Variants in LINGO2 observed in about 807,000 individuals in gnomAD.
LINGO2 encodes leucine-rich repeat and immunoglobulin-like domain-containing nogo receptor-interacting protein 2.
Under a neutral mutation model 30.6 loss-of-function variants are expected in LINGO2, and 14 were observed. The ratio of observed to expected loss-of-function variants is 0.46; its 90% CI spans 0.30 to 0.72. LINGO2 has a LOEUF of 0.72. LINGO2 is among the 30% of genes least tolerant of loss of function. The pLI, the probability that LINGO2 is intolerant of heterozygous loss-of-function variation, is 0.07. For synonymous variants in LINGO2, 317 were observed against 288.5 expected (o/e 1.10, Z -1.00); for missense variants, 729 against 751.7 (o/e 0.97, Z 0.35).
chr9:28,179,681 A>G (rs1395189972), intron 4 of LINGO2, among the ~76,000 whole-genome samples: 1 of 128,674 alleles, frequency 7.8e-6, no homozygotes, highest in Non-Finnish European at 1.7e-5. Flanking sequence ...ATTTTATACT[A>G]TATATACTAT....
chr9:28,663,778 G>C (rs928330794), intron 1 of LINGO2, among the ~76,000 whole-genome samples: 3 of 152,046 alleles, frequency 2.0e-5, no homozygotes, highest in African/African-American at 7.2e-5. Context: ...CCTGTCTGCC[G>C]TATGCTGAAG....
At chr9:28,748,427 C>T in the LINGO2 span, among the ~76,000 whole-genome samples, 1 of 151,748 alleles carries the variant, frequency 6.6e-6, no homozygotes, top group East Asian at 1.9e-4. Flanking sequence ...AACTCATGTT[C>T]CTCACACACT....
chr9:28,454,778 G>C (rs1824782925), intron 2 of LINGO2, among the ~76,000 whole-genome samples: 1 of 151,906 alleles, frequency 6.6e-6, no homozygotes, highest in Admixed American at 6.6e-5. Flanking sequence ...AGATATCATA[G>C]AAAATGGATT....
At chr9:28,418,268 C>T (rs1326325187) in intron 2 of LINGO2, among the ~76,000 whole-genome samples, 3 of 144,434 alleles carry the variant, frequency 2.1e-5, no homozygotes, top group African/African-American at 7.7e-5. Flanking sequence ...TAATGTTAGG[C>T]CATGTACTTT....
At chr9:28,556,058 T>C (rs897110277) in intron 1 of LINGO2, among the ~76,000 whole-genome samples, 12 of 152,152 alleles carry the variant, frequency 7.9e-5, no homozygotes, top group African/African-American at 2.6e-4. Context: ...GGGCAAAAAC[T>C]GGAAGCATTC....
chr9:28,797,345 TATATATATATATATAGAGAGAG>T, the LINGO2 span, among the ~76,000 whole-genome samples: 79 of 70,888 alleles, frequency 1.1e-3, no homozygotes, highest in African/African-American at 3.6e-3. Context: ...TATATATATA[TATATATATATATATAGAGAGAG>T]AGAGAGAGAG....
chr9:28,726,720 T>C, the LINGO2 span, among the ~76,000 whole-genome samples: 1 of 152,150 alleles, frequency 6.6e-6, no homozygotes, highest in African/African-American at 2.4e-5. Flanking sequence ...TGAACATATT[T>C]CAAAAGAGTC....
chr9:29,163,268 T>A, the LINGO2 span, among the ~76,000 whole-genome samples: 3 of 152,146 alleles, frequency 2.0e-5, no homozygotes, highest in Admixed American at 6.5e-5. Context: ...ATGTATTATT[T>A]TTCAACTGTT....
chr9:28,373,656 T>C (rs1255921029), intron 2 of LINGO2, among the ~76,000 whole-genome samples: 1 of 152,130 alleles, frequency 6.6e-6, no homozygotes, highest in Non-Finnish European at 1.5e-5. Context: ...TCCGAGCACT[T>C]TGGGAGGCTG....
the LINGO2 span, among the ~76,000 whole-genome samples, chr9:28,811,090 A>C: frequency 6.6e-6 from 1 of 152,194 alleles, no homozygotes; most frequent in African/African-American, 2.4e-5. Flanking sequence ...TCTTGATTTT[A>C]TGCAAAAACC....
At chr9:28,149,870 C>A (rs144968689) in intron 4 of LINGO2, among the ~76,000 whole-genome samples, 1 of 150,178 alleles carries the variant, frequency 6.7e-6, no homozygotes, top group Non-Finnish European at 1.5e-5. Flanking sequence ...TCTGCCCAGC[C>A]GCCGCCCTGT....
the LINGO2 span, among the ~76,000 whole-genome samples, chr9:29,114,999 A>T: frequency 2.0e-5 from 3 of 152,120 alleles, no homozygotes; most frequent in African/African-American, 7.2e-5. Flanking sequence ...ATTTTCCGAC[A>T]AACTTTATGA....
chr9:28,992,553 G>A, the LINGO2 span, among the ~76,000 whole-genome samples: 1 of 152,094 alleles, frequency 6.6e-6, no homozygotes, highest in Non-Finnish European at 1.5e-5. Flanking sequence ...CAAATCAACA[G>A]AATATATATT....
At chr9:28,015,424 G>T (rs2798787) in intron 4 of LINGO2, among the ~76,000 whole-genome samples, 110,369 of 151,940 alleles carry the variant, frequency 0.73, 40,452 homozygotes, top group East Asian at 0.82. Context: ...GTTTTAAATT[G>T]TAATTTTTAC....
chr9:28,288,035 T>G (rs1400634432), intron 4 of LINGO2, among the ~76,000 whole-genome samples: 2 of 152,212 alleles, frequency 1.3e-5, no homozygotes, highest in Non-Finnish European at 2.9e-5. Context: ...CACACATTTC[T>G]GCACTCATGG....
chr9:28,126,609 G>C (rs1329553193), intron 4 of LINGO2, among the ~76,000 whole-genome samples: 1 of 152,168 alleles, frequency 6.6e-6, no homozygotes, highest in Non-Finnish European at 1.5e-5. Flanking sequence ...TCACTTTGGG[G>C]CACCTAGGGG....
chr9:28,397,702 C>G (rs576222296), intron 2 of LINGO2, among the ~76,000 whole-genome samples: 5 of 151,842 alleles, frequency 3.3e-5, no homozygotes, highest in African/African-American at 4.8e-5. Context: ...TGCCCGCCAC[C>G]ACGCCCAGCT....
the LINGO2 span, among the ~76,000 whole-genome samples, chr9:29,194,407 A>G: frequency 2.8e-4 from 42 of 152,282 alleles, no homozygotes; most frequent in African/African-American, 9.6e-4. Context: ...GCTACTGATT[A>G]GTCCTATGTT....
chr9:29,067,798 A>T, the LINGO2 span, among the ~76,000 whole-genome samples: 1 of 151,012 alleles, frequency 6.6e-6, no homozygotes, highest in Non-Finnish European at 1.5e-5. Context: ...GCATATTTTT[A>T]AGAAACAAAG....
Sources: allele counts gnomAD v4.1 joint callset (sites outside exome capture counted in the v4.1 genomes callset), GRCh38; gene constraint gnomAD v4.1.1; transcripts MANE v1.5; gene names NCBI Gene and HGNC (gene_info 2026-07-23, HGNC 2026-07-21).